ZNF365: variants seen among roughly 807,000 people sequenced by gnomAD.
The protein encoded by ZNF365 is zinc finger protein 365.
Under a neutral mutation model 35.0 loss-of-function variants are expected in ZNF365, and 22 were observed. That is an observed-to-expected ratio of 0.63 (90% confidence interval 0.45 to 0.90). ZNF365 has a LOEUF of 0.90. Ranked by LOEUF, ZNF365 falls within the 40% of genes least tolerant of loss-of-function variation. The pLI, the probability that ZNF365 is intolerant of heterozygous loss-of-function variation, is 0.00. For synonymous variants in ZNF365, 188 were observed against 196.2 expected (o/e 0.96, Z 0.35); for missense variants, 448 against 500.3 (o/e 0.90, Z 1.00).
At position 62,440,409 on chromosome 10, in the gene ZNF365, A is replaced by T. The variant is rs551450303; in HGVS notation, c.925-19332A>T. 3.9e-5 allele frequency among the ~76,000 whole-genome samples: 6 copies of T among 151,936 alleles called. No homozygotes were observed. The East Asian group carries it at 5.8e-4, about 15-fold the overall frequency. On this transcript the variant is annotated intron_variant, in intron 3 of 4. Transcript: ENST00000395255. ...CTGCTCCTCCCTCCTCCCAACCTCC[A>T]CCCTCAAGCAGACTGCAATGTCTGT...
chr10:62,428,693 G>C (rs1210952359), intron 3 of ZNF365, among the ~76,000 whole-genome samples: 1 of 152,174 alleles, frequency 6.6e-6, no homozygotes, highest in African/African-American at 2.4e-5. Flanking sequence ...TAAGGCTGGA[G>C]GGGGGCATCT....
chr10:62,416,457 A>C (rs1840076090), intron 3 of ZNF365, among the ~76,000 whole-genome samples: 1 of 152,118 alleles, frequency 6.6e-6, no homozygotes, highest in Admixed American at 6.6e-5. Flanking sequence ...CTCAAAACCA[A>C]ATGTCTGATA....
At chr10:62,404,265 T>A (rs1168432851), downstream of ZNF365, among the ~76,000 whole-genome samples, 6 of 152,210 alleles carry the variant, frequency 3.9e-5, no homozygotes, top group Admixed American at 3.9e-4. Context: ...GGTACCAATG[T>A]CCTGTGAGAA....
chr10:62,436,036 T>G (rs575831537), intron 3 of ZNF365, among the ~76,000 whole-genome samples: 4 of 152,104 alleles, frequency 2.6e-5, no homozygotes, highest in East Asian at 1.9e-4. Flanking sequence ...GGGTATTTGG[T>G]TTTTTTTGTA....
intron 2 of ZNF365, among the ~76,000 whole-genome samples, chr10:62,387,038 A>G (rs540180541): frequency 2.0e-5 from 3 of 152,242 alleles, no homozygotes; most frequent in Non-Finnish European, 4.4e-5. Flanking sequence ...TTTTGGAGAC[A>G]TGTAAAGGAA....
At chr10:62,455,983 T>C (rs1447712311) in intron 3 of ZNF365, among the ~76,000 whole-genome samples, 1 of 152,202 alleles carries the variant, frequency 6.6e-6, no homozygotes, top group East Asian at 1.9e-4. Context: ...GTTTGATTCA[T>C]TGACTTTACA....
chr10:62,473,926 G>C (rs1213225506), intron 4 of ZNF365, among the ~76,000 whole-genome samples: 1 of 152,188 alleles, frequency 6.6e-6, no homozygotes, highest in Non-Finnish European at 1.5e-5. Context: ...GAACACCAAA[G>C]TTTGAGGGAT....
chr10:62,436,510 A>T (rs1384786044), intron 3 of ZNF365, among the ~76,000 whole-genome samples: 1 of 152,244 alleles, frequency 6.6e-6, no homozygotes, highest in Non-Finnish European at 1.5e-5. Context: ...ATATAATGCT[A>T]AAAAGGATAA....
chr10:62,431,953 A>G (rs1260867904), intron 3 of ZNF365, among the ~76,000 whole-genome samples: 5 of 152,238 alleles, frequency 3.3e-5, no homozygotes, highest in Admixed American at 6.5e-5. Context: ...TATTGAAAGA[A>G]GAATGAGAGA....
chr10:62,402,586 A>G (rs116415917), downstream of ZNF365: 591 of 470,162 alleles, frequency 1.3e-3, 4 homozygotes, highest in African/African-American at 0.012. Context: ...GTGTACCTAT[A>G]GGTTTTCTTA....
At chr10:62,425,497 G>A (rs1029094814) in intron 3 of ZNF365, among the ~76,000 whole-genome samples, 1 of 152,160 alleles carries the variant, frequency 6.6e-6, no homozygotes, top group Non-Finnish European at 1.5e-5. Flanking sequence ...TGAACCAACA[G>A]TTCACAGAGT....
chr10:62,466,683 C>A (rs1428460239), intron 4 of ZNF365, among the ~76,000 whole-genome samples: 1 of 151,260 alleles, frequency 6.6e-6, no homozygotes, highest in Non-Finnish European at 1.5e-5. Flanking sequence ...GTATTGCACT[C>A]AGTATATACT....
At chr10:62,377,035 C>G in intron 2 of ZNF365, 99 bp downstream of exon 2, 1 of 1,453,568 alleles carries the variant, frequency 6.9e-7, no homozygotes, top group Non-Finnish European at 9.2e-7. Flanking sequence ...TTGCTATTTG[C>G]AGGTGCCTTG....
intron 3 of ZNF365, among the ~76,000 whole-genome samples, chr10:62,434,098 G>A (rs139830542): frequency 7.6e-4 from 116 of 152,264 alleles, no homozygotes; most frequent in African/African-American, 2.7e-3. Context: ...GAATGCACTT[G>A]GCCTCACCCA....
chr10:62,466,327 C>A (rs1323755877), intron 4 of ZNF365, among the ~76,000 whole-genome samples: 5 of 152,230 alleles, frequency 3.3e-5, no homozygotes, highest in African/African-American at 4.8e-5. Flanking sequence ...AAGCCAGTGC[C>A]TGTGCTGGCA....
rs1043339362 is a variant in ZNF365 at position 62,376,551 on chromosome 10, G to C, written c.358G>C (p.Glu120Gln). Reference sequence around the variant, plus strand: ...CAGGAAGCCATTTGAGGTGGTGGCAGAGAGGCCTGTGTCCTATGTGCAGAC... The same window carrying C: ...CAGGAAGCCATTTGAGGTGGTGGCACAGAGGCCTGTGTCCTATGTGCAGAC... ...KDRKPFEVVA[E>Q]RPVSYVQTYT... Residue 120 changes from glutamate to glutamine, a missense_variant, in exon 2 of 5, where the codon GAG (glutamate) becomes CAG (glutamine). Physicochemically the swap from Glu to Gln is conservative, Grantham distance 29. Coordinates refer to ENST00000395254, the MANE Select transcript of ZNF365 (RefSeq NM_014951.3). 3 of 1,613,822 alleles carry C rather than the reference G, an allele frequency of 1.9e-6. No homozygotes were observed. The African/African-American group carries it at 4.0e-5, about 22-fold the overall frequency.
chr10:62,472,898 G>A (rs955761498), intron 4 of ZNF365, among the ~76,000 whole-genome samples: 1 of 152,164 alleles, frequency 6.6e-6, no homozygotes, highest in Non-Finnish European at 1.5e-5. Context: ...CACAAAAACA[G>A]ACTTAGGGTG....
chr10:62,438,419 C>G (rs1332994571), intron 3 of ZNF365, among the ~76,000 whole-genome samples: 1 of 151,984 alleles, frequency 6.6e-6, no homozygotes, highest in Non-Finnish European at 1.5e-5. Context: ...AACTCCTGGC[C>G]TCAAGTGATA....
chr10:62,479,843 T>A, intron 4 of ZNF365: 2 of 1,498,006 alleles, frequency 1.3e-6, no homozygotes, highest in Non-Finnish European at 1.9e-6. Flanking sequence ...CCACTGCAAC[T>A]CTACTAACTT....
Sources: allele counts gnomAD v4.1 joint callset (sites outside exome capture counted in the v4.1 genomes callset), GRCh38; gene constraint gnomAD v4.1.1; transcripts MANE v1.5; gene names NCBI Gene and HGNC (gene_info 2026-07-23, HGNC 2026-07-21).